The following UNC5D variants were observed in gnomAD, a reference collection of about 807,000 sequenced individuals.
The protein encoded by UNC5D is unc-5 netrin receptor D, also known as netrin receptor UNC5D.
UNC5D carries 39 observed loss-of-function variants against 105.4 expected under a neutral mutation model. The ratio of observed to expected loss-of-function variants is 0.37; its 90% CI spans 0.29 to 0.48. The LOEUF is 0.48. Among genes scored for constraint, UNC5D ranks in the 20% least tolerant of loss-of-function variants. UNC5D has a pLI of 0.98. For synonymous variants in UNC5D, 452 were observed against 450.4 expected (o/e 1.00, Z -0.04); for missense variants, 991 against 1,202.4 (o/e 0.82, Z 2.60).
chr8:35,726,526 A>G lies in UNC5D; in HGVS notation c.1678A>G (p.Thr560Ala). Reference sequence around the variant, plus strand: ...AGGGGGGCGCTTAGTAATGCCAAATACAGGTGGGTGGTAAGTGTGTGTTTG... The same window carrying G: ...AGGGGGGCGCTTAGTAATGCCAAATGCAGGTGGGTGGTAAGTGTGTGTTTG... ...HLGGRLVMPN[T>A]GVSLLIPHGA... The change falls in exon 10 of 17, where the codon ACA becomes GCA. Residue 560 changes from threonine to alanine, a missense_variant. By Grantham distance (58) the Thr-to-Ala change is moderately conservative (BLOSUM62 0). Around this residue, in one of 3 missense-constraint regions of UNC5D, gnomAD observed 944 missense variants for 1,131.6 expected, o/e 0.83. Transcript: ENST00000404895. 6.2e-7 allele frequency: 1 copy of G among 1,611,438 alleles called. No homozygotes were observed. The highest frequency in any genetic ancestry group is 1.7e-5 in the Admixed American group (1 of 60,014).
intron 4 of UNC5D, among the ~76,000 whole-genome samples, chr8:35,658,690 C>T (rs182311588): frequency 2.9e-5 from 4 of 138,708 alleles, no homozygotes; most frequent in South Asian, 2.4e-4. Flanking sequence ...CTCACTCTGT[C>T]GCCCAGGCTG....
At chr8:35,660,777 C>T (rs1005109428) in intron 4 of UNC5D, among the ~76,000 whole-genome samples, 3 of 152,162 alleles carry the variant, frequency 2.0e-5, no homozygotes, top group Admixed American at 6.5e-5. Context: ...TGACAACCAC[C>T]TACTGCCCAA....
intron 3 of UNC5D, among the ~76,000 whole-genome samples, chr8:35,587,964 TAATA>T (rs1378702813): frequency 3.1e-5 from 1 of 32,488 alleles, no homozygotes; most frequent in African/African-American, 8.2e-5. Flanking sequence ...ATAACTATAA[TAATA>T]TATATATATA....
intron 15 of UNC5D, among the ~76,000 whole-genome samples, chr8:35,770,541 C>A (rs867300662): frequency 1.3e-5 from 2 of 152,006 alleles, no homozygotes; most frequent in Non-Finnish European, 2.9e-5. Context: ...AAAGTTGTTC[C>A]CCTTAAATTT....
At chr8:35,345,777 C>T (rs1811767471) in intron 1 of UNC5D, among the ~76,000 whole-genome samples, 1 of 151,770 alleles carries the variant, frequency 6.6e-6, no homozygotes, top group Admixed American at 6.6e-5. Flanking sequence ...ATGAAAGTGC[C>T]TAATAAAATG....
At chr8:35,675,144 G>T (rs186560914) in intron 4 of UNC5D, among the ~76,000 whole-genome samples, 2 of 152,172 alleles carry the variant, frequency 1.3e-5, no homozygotes, top group Non-Finnish European at 2.9e-5. Flanking sequence ...AATATTAGTG[G>T]CTCCCAGAAT....
intron 1 of UNC5D, among the ~76,000 whole-genome samples, chr8:35,503,440 A>G (rs1812097418): frequency 6.6e-6 from 1 of 152,236 alleles, no homozygotes; most frequent in Non-Finnish European, 1.5e-5. Flanking sequence ...AGTATGGGGG[A>G]AACCACCCCC....
chr8:35,611,093 T>C (rs1563589934), intron 4 of UNC5D, among the ~76,000 whole-genome samples: 1 of 152,104 alleles, frequency 6.6e-6, no homozygotes, highest in Non-Finnish European at 1.5e-5. Flanking sequence ...TTGATTTCTG[T>C]TCTTCCTTCT....
intron 1 of UNC5D, among the ~76,000 whole-genome samples, chr8:35,381,652 T>A (rs968771618): frequency 7.5e-6 from 1 of 134,040 alleles, no homozygotes; most frequent in Admixed American, 7.2e-5. Context: ...CTCGTGCATG[T>A]TTTTTTTCCC....
intron 7 of UNC5D, among the ~76,000 whole-genome samples, chr8:35,694,661 G>A (rs2131389158): frequency 6.6e-6 from 1 of 152,130 alleles, no homozygotes; most frequent in Non-Finnish European, 1.5e-5. Flanking sequence ...TCCCTCCATA[G>A]TAAGCACTCT....
intron 8 of UNC5D, among the ~76,000 whole-genome samples, chr8:35,717,975 C>T (rs1046299927): frequency 6.6e-6 from 1 of 152,220 alleles, no homozygotes; most frequent in Non-Finnish European, 1.5e-5. Context: ...ATCTTTTCAG[C>T]CTTCTCTGCA....
intron 4 of UNC5D, among the ~76,000 whole-genome samples, chr8:35,605,621 G>C (rs537754490): frequency 6.6e-6 from 1 of 152,202 alleles, no homozygotes; most frequent in East Asian, 1.9e-4. Context: ...TCTTTTGTTT[G>C]TCTGTGCCCT....
At chr8:35,782,032 G>A (rs1802524872) in intron 16 of UNC5D, among the ~76,000 whole-genome samples, 1 of 152,156 alleles carries the variant, frequency 6.6e-6, no homozygotes, top group African/African-American at 2.4e-5. Context: ...TTCCCTTTCG[G>A]GTTTTCCATG....
chr8:35,540,070 T>C (rs1256341957), intron 1 of UNC5D, among the ~76,000 whole-genome samples: 1 of 152,184 alleles, frequency 6.6e-6, no homozygotes, highest in Non-Finnish European at 1.5e-5. Flanking sequence ...TCTTGAAAAC[T>C]GTCAGTTACA....
intron 1 of UNC5D, among the ~76,000 whole-genome samples, chr8:35,534,027 A>G (rs992990155): frequency 1.3e-5 from 2 of 152,042 alleles, no homozygotes; most frequent in Non-Finnish European, 2.9e-5. Flanking sequence ...CACGCTGGGA[A>G]CTGTAGACCG....
chr8:35,340,429 C>G, intron 1 of UNC5D, among the ~76,000 whole-genome samples: 1 of 152,276 alleles, frequency 6.6e-6, no homozygotes, highest in South Asian at 2.1e-4. Context: ...TATTTGGGAA[C>G]TAACTGCCTT....
intron 1 of UNC5D, among the ~76,000 whole-genome samples, chr8:35,402,659 A>T (rs1413026538): frequency 6.6e-6 from 1 of 152,146 alleles, no homozygotes; most frequent in East Asian, 1.9e-4. Context: ...AGCTTATGTG[A>T]TAATGGCTTC....
rs1823688780 is a variant in UNC5D at position 35,655,749 on chromosome 8, A to T, written c.571-27798A>T. On this transcript the variant is annotated intron_variant, in intron 4 of 16. Coordinates refer to ENST00000404895, the MANE Select transcript of UNC5D (RefSeq NM_080872.4). ...AATAGCCAGATGGAGAAGAATCATT[A>T]TAAGAAGGGCAGTCCTTTCAGACAG... Among the ~76,000 whole-genome samples the T allele has an allele frequency of 2.6e-5, 4 of 152,326 alleles. No homozygotes were observed. The South Asian group carries it at 6.2e-4, about 24-fold the overall frequency.
intron 15 of UNC5D, among the ~76,000 whole-genome samples, chr8:35,771,487 C>T (rs919192649): frequency 7.9e-5 from 12 of 152,150 alleles, no homozygotes; most frequent in African/African-American, 2.9e-4. Context: ...GGATACTATT[C>T]CTACTTGATT....
Sources: gnomAD v4.1 joint callset for allele counts (sites outside exome capture counted in the v4.1 genomes callset) on GRCh38, gnomAD v4.1.1 for gene constraint, gnomAD v4.1.1 regional missense constraint, MANE v1.5 for transcripts, NCBI Gene and HGNC (gene_info 2026-07-23, HGNC 2026-07-21) for gene names.